The following LOXL1 variants were observed in gnomAD, a reference collection of about 807,000 sequenced individuals.
LOXL1 encodes the protein lysyl oxidase homolog 1.
LOXL1 carries 31 observed loss-of-function variants against 62.2 expected under a neutral mutation model. The ratio of observed to expected loss-of-function variants is 0.50; its 90% CI spans 0.37 to 0.67. The LOEUF (loss-of-function observed/expected upper bound fraction) is 0.67, where lower values mean the gene tolerates loss of function less well. Among genes scored for constraint, LOXL1 ranks in the 30% least tolerant of loss-of-function variants. The probability of loss-of-function intolerance (pLI) is 0.00; values close to 1 mark genes in which losing one functional copy is unlikely to be tolerated. For synonymous variants in LOXL1, 403 were observed against 384.4 expected (o/e 1.05, Z -0.56); for missense variants, 775 against 843.4 (o/e 0.92, Z 1.00).
At chr15:73,947,651 G>C (rs1042161814) in intron 4 of LOXL1, 156 bp from the exon 5 acceptor site, 1 of 575,582 alleles carries the variant, frequency 1.7e-6, no homozygotes, top group Middle Eastern at 4.0e-4. Flanking sequence ...CTAGCCAGTG[G>C]CTTTAGGAAG....
chr15:73,941,374 C>G (rs1567087559), intron 1 of LOXL1, among the ~76,000 whole-genome samples: 1 of 152,078 alleles, frequency 6.6e-6, no homozygotes. Flanking sequence ...AAGCTAGGGT[C>G]TGGGAACTCA....
At position 73,949,526 on chromosome 15, in the gene LOXL1, T is replaced by G; in HGVS notation, c.1670T>G (p.Ile557Ser). 6.2e-7 allele frequency: 1 copy of G among 1,614,154 alleles called. No individual in the cohort carries two copies. Among genetic ancestry groups the G allele is most frequent in the Non-Finnish European group, 8.5e-7 (1 of 1,180,004 alleles). Residue 557 changes from isoleucine (I) to serine (S), a missense_variant, in exon 6 of 7, where the codon ATT (isoleucine) becomes AGT (serine). By Grantham distance (142) the Ile-to-Ser change is moderately radical. Transcript: ENST00000261921. ...ACCAACAACGTGGTGAGATGCAACA[T>G]TCACTACACAGGTCGCTACGTTTCT... ...DFTNNVVRCN[I>S]HYTGRYVSAT...
Position 73,942,941 on chromosome 15 carries a change from C to T in LOXL1, c.1190C>T (p.Ala397Val), listed in dbSNP as rs199938623. The change falls in exon 2 of 7, where the codon GCG becomes GTG. Residue 397 changes from alanine (A) to valine (V), a missense_variant. Coordinates refer to ENST00000261921, the MANE Select transcript of LOXL1 (RefSeq NM_005576.4). ...CACCTGTACTCCCTGCGCTGTGCTG[C>T]GGAGGAGAAGTGTCTGGCCAGGTAA... is the stretch of plus-strand genomic sequence containing the variant. ...RAHLYSLRCA[A>V]EEKCLASTAY... 39 of 1,613,698 alleles carry T rather than the reference C, an allele frequency of 2.4e-5. No individual in the cohort carries two copies. In the Admixed American group the frequency reaches 3.3e-4, roughly 14 times the overall value.
In LOXL1 at chr15:73,927,873, C is replaced by T; in HGVS notation, c.1090C>T (p.Gln364Ter). ...CGTGGGCAGCGTGTACCGGCCCAAC[C>T]AGAACGGCCGCGGTGAGTACGGCCC... The part of the protein sequence containing the change: ...LSVGSVYRPN[Q>*]NGRGLPDLVP... The change falls in exon 1 of 7, where the codon CAG becomes TAG. Residue 364 changes from glutamine to a stop codon, truncating the protein, a stop_gained. Transcript: ENST00000261921. LOFTEE classifies it high-confidence loss of function. 7.6e-7 allele frequency: 1 copy of T among 1,323,276 alleles called. No individual in the cohort carries two copies. Among genetic ancestry groups the T allele is most frequent in the Non-Finnish European group, 9.6e-7 (1 of 1,043,592 alleles). The allele number at this position is 1,323,276 out of a possible 1,614,324, so 82.0% of individuals were successfully genotyped here.
rs886427477 is a variant in LOXL1, at chr15:73,928,042, A to G, written c.1102+157A>G. The stretch of plus-strand genomic sequence containing the variant: ...CTCCCGACTTCCCCCGACCCAGCCA[A>G]CAGCACCCCCCTGGCATCTCACCTC... On this transcript the variant is annotated intron_variant, in intron 1 of 6. Transcript: ENST00000261921. 5.3e-6 allele frequency: 3 copies of G among 568,456 alleles called. No homozygotes were observed. The African/African-American group carries it at 5.9e-5, about 11-fold the overall frequency. The allele number at this position is 568,456 out of a possible 1,614,324, so 35.2% of individuals were successfully genotyped here. A position where few individuals can be genotyped will look rare whatever the true frequency, so the allele number is the denominator to read the frequency against.
intron 1 of LOXL1, among the ~76,000 whole-genome samples, chr15:73,934,400 G>A (rs1377151670): frequency 3.9e-5 from 6 of 152,230 alleles, no homozygotes; most frequent in African/African-American, 1.4e-4. Context: ...CAGCCTGGCA[G>A]TGAGAAAACA....
At chr15:73,928,982 A>G (rs2068615919) in intron 1 of LOXL1, among the ~76,000 whole-genome samples, 1 of 152,078 alleles carries the variant, frequency 6.6e-6, no homozygotes, top group Non-Finnish European at 1.5e-5. Context: ...GGGTGAACAT[A>G]CGTCCTCCTC....
At chr15:73,937,945 C>T (rs181699402) in intron 1 of LOXL1, among the ~76,000 whole-genome samples, 2 of 152,320 alleles carry the variant, frequency 1.3e-5, no homozygotes, top group East Asian at 3.9e-4. Flanking sequence ...CGGCCGTTCA[C>T]TGTAGCGTGT....
In LOXL1 at chr15:73,926,644, G is replaced by A; in HGVS notation, c.-140G>A. ...GTCATCGGAGGAGCCGTCCCGCTCG[G>A]GACAAGGCCAGCATGGACAAAGCTA... is the stretch of plus-strand genomic sequence containing the variant. On this transcript the variant is annotated 5_prime_UTR_variant, in exon 1 of 7. Transcript: ENST00000261921. The A allele has an allele frequency of 1.9e-6, 2 of 1,035,914 alleles. No homozygotes were observed. The highest frequency in any genetic ancestry group is 2.6e-6 in the Non-Finnish European group (2 of 777,146). 64.2% of individuals were successfully genotyped at this position (1,035,914 alleles called of 1,614,324 possible).
At position 73,947,878 on chromosome 15, in the gene LOXL1, G is replaced by A. The variant is rs1475452582; in HGVS notation, c.1578G>A (p.Val526=). ...IDCQWIDITD[V]QPGNYILKVH... is the part of the protein sequence containing the mutation. ...GCCAGTGGATCGACATAACCGACGT[G>A]CAGCCTGGGAACTACATCCTCAAGG... The change falls in exon 5 of 7, where the codon GTG becomes GTA. Residue 526 remains valine, a synonymous_variant. Transcript: ENST00000261921. 7 of 1,613,580 alleles carry A rather than the reference G, an allele frequency of 4.3e-6. No homozygotes were observed. Among genetic ancestry groups the A allele is most frequent in the Non-Finnish European group, 5.9e-6 (7 of 1,179,720 alleles).
rs918130570 is a variant in LOXL1, at chr15:73,928,534, G to A, written c.1102+649G>A. Among the ~76,000 whole-genome samples the A allele has an allele frequency of 6.1e-5, 9 of 148,726 alleles. No individual in the cohort carries two copies. The East Asian group carries it at 1.4e-3, about 23-fold the overall frequency. On this transcript the variant is annotated intron_variant, in intron 1 of 6. Transcript: ENST00000261921. Reference sequence around the variant, plus strand: ...CTGGCCTGGGTGCAGAATTTCAGGGGCTACCAAAAAACACAGTAGTTGAGA... The same window carrying A: ...CTGGCCTGGGTGCAGAATTTCAGGGACTACCAAAAAACACAGTAGTTGAGA...
intron 5 of LOXL1, among the ~76,000 whole-genome samples, chr15:73,948,266 C>T (rs1269439691): frequency 6.6e-6 from 1 of 152,164 alleles, no homozygotes. Context: ...ATTTGGGAGA[C>T]AGATGAGAGG....
At chr15:73,936,123 C>A (rs893816) in intron 1 of LOXL1, among the ~76,000 whole-genome samples, 5 of 151,828 alleles carry the variant, frequency 3.3e-5, no homozygotes, top group Admixed American at 6.5e-5. Context: ...AAACCACAGA[C>A]GGCTTTAGCT....
intron 1 of LOXL1, among the ~76,000 whole-genome samples, chr15:73,938,274 C>CATAT (rs2068688382): frequency 8.4e-5 from 3 of 35,884 alleles, no homozygotes; most frequent in Non-Finnish European, 1.8e-4. Context: ...AGCTAGACTC[C>CATAT]GTATCTATCT....
At chr15:73,946,333 T>C in intron 2 of LOXL1, 84 bp from the exon 3 acceptor site, 3 of 965,830 alleles carry the variant, frequency 3.1e-6, no homozygotes, top group Non-Finnish European at 4.9e-6. Flanking sequence ...GGCCAAGGGC[T>C]GGGGGTGGGG....
chr15:73,934,643 G>A (rs188387904), intron 1 of LOXL1, among the ~76,000 whole-genome samples: 2 of 152,324 alleles, frequency 1.3e-5, no homozygotes, highest in Admixed American at 6.5e-5. Context: ...TTTATTGAGC[G>A]ACTTACTGTA....
Position 73,927,641 on chromosome 15 carries a change from C to T in LOXL1, c.858C>T (p.Phe286=), listed in dbSNP as rs1441032685. The T allele has an allele frequency of 1.3e-6, 2 of 1,488,202 alleles. No individual in the cohort carries two copies. The highest frequency in any genetic ancestry group is 2.3e-5 in the Admixed American group (1 of 44,354). 92.2% of individuals were successfully genotyped at this position (1,488,202 alleles called of 1,614,324 possible). A position where few individuals can be genotyped will look rare whatever the true frequency, so the allele number is the denominator to read the frequency against. ...TGTACAGCGAGGGCACCCCCGGCTTCGAGCAGGCCTACCCTGACCCCGGTC... is the reference window on the plus strand; with the variant it reads ...TGTACAGCGAGGGCACCCCCGGCTTTGAGCAGGCCTACCCTGACCCCGGTC... The part of the protein sequence containing the change: ...HSLYSEGTPG[F]EQAYPDPGPE... The change falls in exon 1 of 7, where the codon TTC becomes TTT. Residue 286 remains phenylalanine (F), a synonymous_variant. Transcript: ENST00000261921.
chr15:73,949,323 C>T, intron 5 of LOXL1, 136 bp from the exon 6 acceptor site: 3 of 705,800 alleles, frequency 4.3e-6, no homozygotes, highest in South Asian at 3.3e-5. Context: ...GTCTCTCTAG[C>T]AGTGTGTCTC....
Position 73,947,153 on chromosome 15 carries a change from G to A in LOXL1, c.1436G>A (p.Ser479Asn). Residue 479 changes from serine to asparagine, a missense_variant, in exon 4 of 7, where the codon AGT (serine) becomes AAT (asparagine). Transcript: ENST00000261921. ...GKKVAEGHKASFCLEDSTCDF... is the reference protein window; with the variant it reads ...GKKVAEGHKANFCLEDSTCDF... ...AAGGTGGCCGAGGGCCACAAGGCCA[G>A]TTTCTGCCTGGAGGACAGCACCTGT... 1 of 1,613,850 alleles carries A rather than the reference G, an allele frequency of 6.2e-7. No homozygotes were observed. The highest frequency in any genetic ancestry group is 8.5e-7 in the Non-Finnish European group (1 of 1,179,740).
Sources: allele counts gnomAD v4.1 joint callset (sites outside exome capture counted in the v4.1 genomes callset), GRCh38; gene constraint gnomAD v4.1.1; transcripts MANE v1.5; gene names NCBI Gene and HGNC (gene_info 2026-07-23, HGNC 2026-07-21).